LRP1B: variants seen among roughly 807,000 people sequenced by gnomAD.
The protein encoded by LRP1B is LDL receptor related protein 1B, also known as low-density lipoprotein receptor-related protein 1B.
A neutral mutation model predicts 556.6 loss-of-function variants in LRP1B; 217 were observed. That is an observed-to-expected ratio of 0.39 (90% CI 0.35 to 0.44). The LOEUF (loss-of-function observed/expected upper bound fraction) is 0.44. LRP1B is among the 20% of genes least tolerant of loss of function. The probability of loss-of-function intolerance (pLI) is 1.00; values close to 1 mark genes in which losing one functional copy is unlikely to be tolerated. For synonymous variants in LRP1B, 2,047 were observed against 1,865.8 expected (o/e 1.10, Z -2.50); for missense variants, 5,053 against 5,620.8 (o/e 0.90, Z 3.23).
intron 2 of LRP1B, among the ~76,000 whole-genome samples, chr2:141,563,580 A>T (rs954728015): frequency 6.6e-6 from 1 of 152,004 alleles, no homozygotes; most frequent in Non-Finnish European, 1.5e-5. Flanking sequence ...AGGAGTAAGA[A>T]GTTTGAGAGA....
chr2:140,686,461 G>C (rs1686056327), intron 41 of LRP1B, among the ~76,000 whole-genome samples: 1 of 151,630 alleles, frequency 6.6e-6, no homozygotes, highest in South Asian at 2.1e-4. Flanking sequence ...ATGGCTCAGG[G>C]GATACAGGAG....
At chr2:140,837,122 TGACA>T (rs1691933218) in intron 31 of LRP1B, among the ~76,000 whole-genome samples, 1 of 152,220 alleles carries the variant, frequency 6.6e-6, no homozygotes, top group African/African-American at 2.4e-5. Context: ...CCGCTATTAC[TGACA>T]GTTTCTATTA....
intron 7 of LRP1B, among the ~76,000 whole-genome samples, chr2:141,068,379 T>C (rs528832327): frequency 6.6e-6 from 1 of 151,914 alleles, no homozygotes; most frequent in South Asian, 2.1e-4. Context: ...CAGCATTTTA[T>C]AGACAGGCTT....
At chr2:141,219,893 A>T (rs959127007) in intron 6 of LRP1B, among the ~76,000 whole-genome samples, 2 of 152,090 alleles carry the variant, frequency 1.3e-5, no homozygotes, top group Non-Finnish European at 1.5e-5. Context: ...AGCAACAACA[A>T]CATCGACAAA....
At chr2:141,648,833 G>C (rs1316808606) in intron 2 of LRP1B, among the ~76,000 whole-genome samples, 1 of 152,228 alleles carries the variant, frequency 6.6e-6, no homozygotes, top group Non-Finnish European at 1.5e-5. Flanking sequence ...TCTCGGATGT[G>C]TTCTGGCTCT....
At chr2:140,318,837 A>G (rs1236693326) in intron 82 of LRP1B, among the ~76,000 whole-genome samples, 1 of 152,156 alleles carries the variant, frequency 6.6e-6, no homozygotes, top group East Asian at 1.9e-4. Flanking sequence ...CTAGATAATA[A>G]AATCTGAAGA....
At chr2:141,243,900 C>T (rs904136839) in intron 5 of LRP1B, among the ~76,000 whole-genome samples, 3 of 152,144 alleles carry the variant, frequency 2.0e-5, no homozygotes. Flanking sequence ...AAAATCTCCT[C>T]CCTTCAATAC....
chr2:140,608,258 A>G (rs1471612501), intron 41 of LRP1B, among the ~76,000 whole-genome samples: 1 of 152,202 alleles, frequency 6.6e-6, no homozygotes, highest in Non-Finnish European at 1.5e-5. Flanking sequence ...ATATACAAAA[A>G]TAACCAGTGA....
At chr2:140,387,943 T>G (rs1683835358) in intron 66 of LRP1B, among the ~76,000 whole-genome samples, 1 of 151,530 alleles carries the variant, frequency 6.6e-6, no homozygotes, top group African/African-American at 2.4e-5. Flanking sequence ...TCTTTTTTTT[T>G]TTTTTTTCCT....
At chr2:140,641,551 A>C (rs1038011673) in intron 41 of LRP1B, among the ~76,000 whole-genome samples, 4 of 152,172 alleles carry the variant, frequency 2.6e-5, no homozygotes, top group Admixed American at 2.0e-4. Flanking sequence ...TATTTTAAGG[A>C]TCTTCAAATA....
Position 141,583,116 on chromosome 2 carries a change from G to T in LRP1B, c.206-102583C>A, listed in dbSNP as rs28709877. ...CTCCCAAAGTGCTGGGATTACAGGC[G>T]TGAGCCACCACGCCCGGCCAACAAT... On this transcript the variant is annotated intron_variant, in intron 2 of 90. Coordinates refer to ENST00000389484, the MANE Select transcript of LRP1B (RefSeq NM_018557.3). Among the ~76,000 whole-genome samples the T allele has an allele frequency of 2.0e-5, 3 of 151,776 alleles. No individual in the cohort carries two copies. The South Asian group carries it at 6.2e-4, about 31-fold the overall frequency.
chr2:141,063,700 T>C (rs921693919), intron 7 of LRP1B, among the ~76,000 whole-genome samples: 14 of 151,854 alleles, frequency 9.2e-5, no homozygotes, highest in Non-Finnish European at 2.9e-5. Context: ...AATTTGTTCA[T>C]AGCTATTCTG....
chr2:140,632,889 C>T (rs143737640), intron 41 of LRP1B, among the ~76,000 whole-genome samples: 2,715 of 151,916 alleles, frequency 0.018, 44 homozygotes, highest in Admixed American at 0.047. Context: ...TGGTGAAACC[C>T]TGTCTCCACT....
chr2:141,006,366 C>T (rs2105375305), intron 14 of LRP1B, among the ~76,000 whole-genome samples: 1 of 152,032 alleles, frequency 6.6e-6, no homozygotes, highest in South Asian at 2.1e-4. Flanking sequence ...TGGTATAGAA[C>T]GTTGGAACTT....
rs1038042873 is a variant in LRP1B, at chr2:141,319,305, T to C, written c.344-64664A>G. ...GTAGTCTCTAAAAAGCAGTGTTTTT[T>C]TGTTGTTTTTTTTTTTTTTCCTACT... is the stretch of plus-strand genomic sequence containing the variant. On this transcript the variant is annotated intron_variant, in intron 3 of 90. Transcript: ENST00000389484. Among the ~76,000 whole-genome samples the C allele has an allele frequency of 7.6e-5, 9 of 118,430 alleles. No homozygotes were observed. In the East Asian group the frequency reaches 2.7e-3, roughly 35 times the overall value. 77.7% of individuals were successfully genotyped at this position (118,430 alleles called of 152,430 possible). A position where few individuals can be genotyped will look rare whatever the true frequency, so the allele number is the denominator to read the frequency against.
intron 66 of LRP1B, among the ~76,000 whole-genome samples, chr2:140,399,336 G>T (rs1282896935): frequency 6.6e-6 from 1 of 151,948 alleles, no homozygotes. Context: ...GTATCATCTG[G>T]CATCATTTTT....
intron 32 of LRP1B, among the ~76,000 whole-genome samples, chr2:140,787,748 A>T (rs865808156): frequency 1.8e-4 from 27 of 150,088 alleles, no homozygotes; most frequent in African/African-American, 6.6e-4. Flanking sequence ...TTTCTTTTTT[A>T]TTTTTCTGTG....
intron 2 of LRP1B, among the ~76,000 whole-genome samples, chr2:141,664,718 T>C (rs1266626124): frequency 6.6e-6 from 1 of 151,934 alleles, no homozygotes; most frequent in Non-Finnish European, 1.5e-5. Flanking sequence ...AAAAAAAACA[T>C]GGAAAAACAC....
chr2:140,614,136 G>A (rs556369728), intron 41 of LRP1B, among the ~76,000 whole-genome samples: 1 of 152,050 alleles, frequency 6.6e-6, no homozygotes, highest in Admixed American at 6.6e-5. Flanking sequence ...CTCTTGTTCA[G>A]GCCCCTACTT....
Sources: allele counts gnomAD v4.1 joint callset (sites outside exome capture counted in the v4.1 genomes callset), GRCh38; gene constraint gnomAD v4.1.1; transcripts MANE v1.5; gene names NCBI Gene and HGNC (gene_info 2026-07-23, HGNC 2026-07-21).